Variants in TSHZ2 observed in about 807,000 individuals in gnomAD.
TSHZ2 encodes teashirt homolog 2.
In TSHZ2, 21 loss-of-function variants were observed where a neutral mutation model predicts 74.4. The observed-to-expected ratio is 0.28, with a 90% CI of 0.20 to 0.41. The LOEUF is 0.41. Ranked by LOEUF, TSHZ2 falls within the 10% of genes least tolerant of loss-of-function variation. TSHZ2 has a pLI of 1.00. For synonymous variants in TSHZ2, 540 were observed against 515.3 expected, an observed-to-expected ratio of 1.05 and a Z score of -0.65; for missense variants, 1,244 against 1,293.5, an observed-to-expected ratio of 0.96 and a Z score of 0.59.
intron 1 of TSHZ2, among the ~76,000 whole-genome samples, chr20:53,132,965 T>C (rs1987145880): frequency 6.6e-6 from 1 of 152,224 alleles, no homozygotes; most frequent in African/African-American, 2.4e-5. Flanking sequence ...CTATCTTTCA[T>C]GATGCATATC....
intron 2 of TSHZ2, among the ~76,000 whole-genome samples, chr20:53,380,826 C>T (rs1981830114): frequency 1.3e-5 from 2 of 152,288 alleles, no homozygotes; most frequent in South Asian, 2.1e-4. Context: ...GTGTACATCT[C>T]ATTTTTAAAA....
chr20:53,391,480 T>G (rs8124072), intron 2 of TSHZ2, among the ~76,000 whole-genome samples: 1 of 138,598 alleles, frequency 7.2e-6, no homozygotes, highest in Admixed American at 7.1e-5. Context: ...TTTGTTTTTG[T>G]TTTTTTTTTT....
chr20:53,417,994 C>T (rs1316351595), intron 2 of TSHZ2, among the ~76,000 whole-genome samples: 1 of 152,124 alleles, frequency 6.6e-6, no homozygotes, highest in African/African-American at 2.4e-5. Context: ...AGGAGCAAAT[C>T]ATCAAATAAA....
At chr20:52,984,830 G>GA (rs1209512155) in intron 1 of TSHZ2, among the ~76,000 whole-genome samples, 1 of 152,170 alleles carries the variant, frequency 6.6e-6, no homozygotes, top group Non-Finnish European at 1.5e-5. Flanking sequence ...TCCGGGGAGA[G>GA]ACCACAAGTT....
At chr20:53,419,195 G>A (rs995179644) in intron 2 of TSHZ2, among the ~76,000 whole-genome samples, 3 of 152,168 alleles carry the variant, frequency 2.0e-5, no homozygotes, top group South Asian at 2.1e-4. Flanking sequence ...CCGTCAAACC[G>A]CCTCAGACAC....
intron 1 of TSHZ2, among the ~76,000 whole-genome samples, chr20:53,186,824 G>T (rs1206744009): frequency 6.6e-6 from 1 of 152,100 alleles, no homozygotes; most frequent in Admixed American, 6.6e-5. Flanking sequence ...ACTTGGGGGA[G>T]AGTTACTTCT....
chr20:53,440,237 C>T (rs185081864), intron 2 of TSHZ2, among the ~76,000 whole-genome samples: 15 of 152,160 alleles, frequency 9.9e-5, no homozygotes, highest in East Asian at 1.9e-4. Context: ...TTGGTGGTTG[C>T]GGGATCTTCA....
At chr20:53,448,114 C>T (rs545710695) in intron 2 of TSHZ2, among the ~76,000 whole-genome samples, 2 of 152,106 alleles carry the variant, frequency 1.3e-5, no homozygotes, top group African/African-American at 2.4e-5. Context: ...GGGGTTTCAC[C>T]GTGTTAGCCA....
In TSHZ2 at chr20:53,255,817, C is replaced by T; in HGVS notation, c.2359C>T (p.Pro787Ser). ...GCAAGCACAATCTTGTATGTCCCCACCTCAGAAGCACGCTCTGTCTGACAT... is the reference window on the plus strand; with the variant it reads ...GCAAGCACAATCTTGTATGTCCCCATCTCAGAAGCACGCTCTGTCTGACAT... ...SSQAQSCMSP[P>S]QKHALSDIAD... The change falls in exon 2 of 3, where the codon CCT becomes TCT. Residue 787 changes from proline (P) to serine (S), a missense_variant. Pro to Ser is a moderately conservative substitution (Grantham distance 74, BLOSUM62 -1). Coordinates refer to ENST00000371497, the MANE Select transcript of TSHZ2 (RefSeq NM_173485.6). The surrounding 1 kb of genome is among the most constrained non-coding windows in gnomAD (Gnocchi z 4.1). The T allele has an allele frequency of 1.9e-6, 3 of 1,613,514 alleles. No individual in the cohort carries two copies. Among genetic ancestry groups the T allele is most frequent in the Middle Eastern group, 1.7e-4 (1 of 6,052 alleles).
At chr20:53,347,854 T>C (rs988085807) in intron 2 of TSHZ2, among the ~76,000 whole-genome samples, 1 of 152,184 alleles carries the variant, frequency 6.6e-6, no homozygotes, top group Non-Finnish European at 1.5e-5. Flanking sequence ...TTAAGTATCA[T>C]AAAGTATGCA....
At chr20:53,123,201 C>A (rs6013636) in intron 1 of TSHZ2, among the ~76,000 whole-genome samples, 1 of 152,140 alleles carries the variant, frequency 6.6e-6, no homozygotes, top group South Asian at 2.1e-4. Flanking sequence ...TATTCTCATC[C>A]GTGTCAGTTA....
At chr20:53,381,840 A>G (rs1981869091) in intron 2 of TSHZ2, among the ~76,000 whole-genome samples, 1 of 152,150 alleles carries the variant, frequency 6.6e-6, no homozygotes, top group Non-Finnish European at 1.5e-5. Flanking sequence ...CACTGCATCC[A>G]CAGAGATGTC....
intron 1 of TSHZ2, among the ~76,000 whole-genome samples, chr20:53,102,284 A>G (rs1296830303): frequency 2.0e-5 from 3 of 152,202 alleles, no homozygotes; most frequent in Non-Finnish European, 4.4e-5. Flanking sequence ...TGCCTGGGGC[A>G]GGTACAGGGT....
chr20:53,341,696 T>G (rs557781864), intron 2 of TSHZ2, among the ~76,000 whole-genome samples: 1 of 152,160 alleles, frequency 6.6e-6, no homozygotes, highest in East Asian at 1.9e-4. Flanking sequence ...TGTATAGATA[T>G]ATTTGCTTTG....
intron 2 of TSHZ2, among the ~76,000 whole-genome samples, chr20:53,471,121 C>T (rs892050062): frequency 4.6e-5 from 7 of 152,120 alleles, no homozygotes; most frequent in African/African-American, 9.7e-5. Flanking sequence ...TTCTGGAGTC[C>T]GCTTGTGTTT....
At chr20:52,989,439 TA>T (rs1021913568) in intron 1 of TSHZ2, among the ~76,000 whole-genome samples, 1 of 152,148 alleles carries the variant, frequency 6.6e-6, no homozygotes, top group African/African-American at 2.4e-5. Flanking sequence ...AAAGAACTGT[TA>T]AAAAAATAAA....
chr20:53,493,020 A>T lies in TSHZ2; in HGVS notation c.*5885A>T, dbSNP rs894283411. 2.0e-5 allele frequency: 3 copies of T among 152,238 alleles called. No individual in the cohort carries two copies. Among genetic ancestry groups the T allele is most frequent in the Non-Finnish European group, 2.9e-5 (2 of 68,036 alleles). The allele number at this position is 152,238 out of a possible 1,614,324, so 9.4% of individuals were successfully genotyped here. On this transcript the variant is annotated 3_prime_UTR_variant, in exon 3 of 3. Coordinates refer to ENST00000371497, the MANE Select transcript of TSHZ2 (RefSeq NM_173485.6). ...TATATAATACATTTGCCTGTATACT[A>T]GGAAGAAAAACCAGGCTGTTTTCCC... is the stretch of plus-strand genomic sequence containing the variant.
chr20:53,209,073 G>T (rs960973975), intron 1 of TSHZ2, among the ~76,000 whole-genome samples: 1 of 152,084 alleles, frequency 6.6e-6, no homozygotes, highest in Non-Finnish European at 1.5e-5. Context: ...CAACCATGAC[G>T]GCTGTATTTA....
chr20:53,348,178 T>C (rs1482083585), intron 2 of TSHZ2, among the ~76,000 whole-genome samples: 2 of 152,228 alleles, frequency 1.3e-5, no homozygotes, highest in African/African-American at 4.8e-5. Flanking sequence ...AGACAAGTGT[T>C]CTAACGAAAA....
Sources: gnomAD v4.1 joint callset for allele counts (sites outside exome capture counted in the v4.1 genomes callset) on GRCh38, gnomAD v4.1.1 for gene constraint, Gnocchi (gnomAD v3.1) non-coding constraint, MANE v1.5 for transcripts, NCBI Gene and HGNC (gene_info 2026-07-23, HGNC 2026-07-21) for gene names.